RNF216: variants seen among roughly 807,000 people sequenced by gnomAD.
The protein encoded by RNF216 is E3 ubiquitin-protein ligase RNF216.
RNF216 carries 72 observed loss-of-function variants against 110.8 expected under a neutral mutation model. The ratio of observed to expected loss-of-function variants is 0.65; its 90% CI spans 0.54 to 0.79. The LOEUF (loss-of-function observed/expected upper bound fraction) is 0.79. Among genes scored for constraint, RNF216 ranks in the 30% least tolerant of loss-of-function variants. RNF216 has a pLI of 0.00. For synonymous variants in RNF216, 495 were observed against 407.5 expected (o/e 1.21, Z -2.59); for missense variants, 1,342 against 1,141.2 (o/e 1.18, Z -2.54).
chr7:5,690,283 C>T (rs561914878), intron 13 of RNF216, among the ~76,000 whole-genome samples: 5 of 150,098 alleles, frequency 3.3e-5, no homozygotes, highest in East Asian at 1.9e-4. Flanking sequence ...GCCAAGATCG[C>T]GCCATTGCAC....
rs771734800 is a variant in RNF216 at position 5,741,326 on chromosome 7, C to T, written c.691G>A (p.Asp231Asn). 6.2e-7 allele frequency: 1 copy of T among 1,614,064 alleles called. No homozygotes were observed. Among genetic ancestry groups the T allele is most frequent in the Non-Finnish European group, 8.5e-7 (1 of 1,179,936 alleles). Residue 231 changes from aspartate to asparagine, a missense_variant, in exon 4 of 17, where the codon GAT (aspartate) becomes AAT (asparagine). By Grantham distance (23) the Asp-to-Asn change is conservative. Coordinates refer to ENST00000389902, the MANE Select transcript of RNF216 (RefSeq NM_207111.4). ...TTCAGAGACTGGAAGTAAGGATGAT[C>T]TAACCAGCAGTCTTCTTCGATGGCC... ...DQAIEEDCWL[D>N]HPYFQSLNQQ...
At chr7:5,643,391 AAC>A (rs1787858430) in intron 14 of RNF216, among the ~76,000 whole-genome samples, 4 of 151,172 alleles carry the variant, frequency 2.6e-5, no homozygotes, top group South Asian at 4.2e-4. Flanking sequence ...CCAGGCAGGA[AAC>A]ACAGCCCCGC....
chr7:5,698,619 C>T (rs757805668), intron 13 of RNF216, among the ~76,000 whole-genome samples: 87 of 152,110 alleles, frequency 5.7e-4, no homozygotes, highest in African/African-American at 2.1e-3. Context: ...GTCTTGAACT[C>T]ATAACCTCAA....
At chr7:5,713,989 A>G (rs1792883498) in intron 11 of RNF216, among the ~76,000 whole-genome samples, 1 of 152,188 alleles carries the variant, frequency 6.6e-6, no homozygotes, top group Admixed American at 6.5e-5. Context: ...ACGCTCTTTG[A>G]AAAAACATAA....
chr7:5,722,074 C>A, intron 8 of RNF216, among the ~76,000 whole-genome samples: 1 of 152,052 alleles, frequency 6.6e-6, no homozygotes, highest in East Asian at 1.9e-4. Flanking sequence ...CAGGCAGATG[C>A]CACCACACCC....
At chr7:5,677,620 T>C (rs1031226716) in intron 13 of RNF216, among the ~76,000 whole-genome samples, 1 of 152,150 alleles carries the variant, frequency 6.6e-6, no homozygotes, top group African/African-American at 2.4e-5. Flanking sequence ...CATCCTCAGA[T>C]TGGAAAGAAC....
At chr7:5,655,513 G>A (rs911438957) in intron 13 of RNF216, among the ~76,000 whole-genome samples, 45 of 152,084 alleles carry the variant, frequency 3.0e-4, no homozygotes, top group African/African-American at 1.1e-3. Context: ...GGCTGAGGCA[G>A]GAGAATTGCT....
rs547939337 is a variant in RNF216 at position 5,656,023 on chromosome 7, C to G, written c.2062-3513G>C. 5.9e-5 allele frequency among the ~76,000 whole-genome samples: 9 copies of G among 152,172 alleles called. No individual in the cohort carries two copies. The South Asian group carries it at 1.0e-3, about 18-fold the overall frequency. On this transcript the variant is annotated intron_variant, in intron 13 of 16. Coordinates refer to ENST00000389902, the MANE Select transcript of RNF216 (RefSeq NM_207111.4). Reference sequence around the variant, plus strand: ...AGTGATCATGCCTGTAATCCCAGCACTTTGGAAGGCTGAGGGGAGCGGATT... The same window carrying G: ...AGTGATCATGCCTGTAATCCCAGCAGTTTGGAAGGCTGAGGGGAGCGGATT...
intron 13 of RNF216, among the ~76,000 whole-genome samples, chr7:5,695,039 T>A (rs1791541587): frequency 6.6e-6 from 1 of 152,140 alleles, no homozygotes; most frequent in African/African-American, 2.4e-5. Flanking sequence ...AATACACTAA[T>A]GGGCCAATGG....
intron 2 of RNF216, among the ~76,000 whole-genome samples, chr7:5,756,682 A>G (rs1202171739): frequency 6.6e-6 from 1 of 152,230 alleles, no homozygotes; most frequent in East Asian, 1.9e-4. Flanking sequence ...GTACAATAGC[A>G]TGAACACAAG....
At chr7:5,752,591 T>C (rs1242303435) in intron 3 of RNF216, among the ~76,000 whole-genome samples, 1 of 152,194 alleles carries the variant, frequency 6.6e-6, no homozygotes, top group African/African-American at 2.4e-5. Flanking sequence ...AGATACACTA[T>C]AATGTTGTAG....
chr7:5,687,650 G>C (rs1273924350), intron 13 of RNF216, among the ~76,000 whole-genome samples: 1 of 152,276 alleles, frequency 6.6e-6, no homozygotes, highest in East Asian at 1.9e-4. Flanking sequence ...TACAGAGGAG[G>C]AAACCAACAC....
In RNF216 at chr7:5,644,857, C is replaced by T. The variant is rs1787960677; in HGVS notation, c.2160-3481G>A. On this transcript the variant is annotated intron_variant, in intron 14 of 16. Coordinates refer to ENST00000389902, the MANE Select transcript of RNF216 (RefSeq NM_207111.4). Reference sequence around the variant, plus strand: ...TTTTTTTTTTTGAAACGGAGTCTTGCTCTGTTGCCCAGGCTGGAGTGCAGT... The same window carrying T: ...TTTTTTTTTTTGAAACGGAGTCTTGTTCTGTTGCCCAGGCTGGAGTGCAGT... Among the ~76,000 whole-genome samples, 8 of 141,816 alleles carry T rather than the reference C, an allele frequency of 5.6e-5. No homozygotes were observed. The South Asian group carries it at 1.8e-3, about 31-fold the overall frequency. 93.0% of individuals were successfully genotyped at this position (141,816 alleles called of 152,430 possible). A position where few individuals can be genotyped will look rare whatever the true frequency, so the allele number is the denominator to read the frequency against.
At chr7:5,754,119 GGTGTGTGTGTGTGTGTGTGTGTGT>G (rs10543449) in intron 2 of RNF216, among the ~76,000 whole-genome samples, 1 of 141,996 alleles carries the variant, frequency 7.0e-6, no homozygotes, top group Non-Finnish European at 1.5e-5. Flanking sequence ...TCTTTTGTGT[GGTGTGTGTGTGTGTGTGTGTGTGT>G]GTGTGTGTGT....
At chr7:5,760,288 G>A (rs983845350) in intron 2 of RNF216, 11 of 162,918 alleles carry the variant, frequency 6.8e-5, no homozygotes, top group Non-Finnish European at 1.2e-4. Flanking sequence ...AGGCTGAGGC[G>A]GGCGGATCAC....
chr7:5,640,007 C>T (rs1249841453), intron 15 of RNF216, among the ~76,000 whole-genome samples: 1 of 151,994 alleles, frequency 6.6e-6, no homozygotes, highest in African/African-American at 2.4e-5. Context: ...GATCCACCCG[C>T]CTCAGCCTCC....
intron 15 of RNF216, among the ~76,000 whole-genome samples, chr7:5,636,350 T>G (rs1787396154): frequency 6.6e-6 from 1 of 152,248 alleles, no homozygotes; most frequent in Non-Finnish European, 1.5e-5. Flanking sequence ...TTGAATGCTT[T>G]TGGCTTCATT....
At chr7:5,686,801 A>G (rs1023422125) in intron 13 of RNF216, among the ~76,000 whole-genome samples, 2 of 152,224 alleles carry the variant, frequency 1.3e-5, no homozygotes, top group African/African-American at 4.8e-5. Flanking sequence ...CAGGGCGTGG[A>G]GAGATGGCTT....
rs532580664 is a variant in RNF216, at chr7:5,743,031, G to C, written c.202-1216C>G. ...TAATCCCAGCATTCAGGGAGGCCAA[G>C]GCAGGCGGATCACGAGGTCAGGAGA... On this transcript the variant is annotated intron_variant, in intron 3 of 16. Transcript: ENST00000389902. Among the ~76,000 whole-genome samples the C allele has an allele frequency of 2.6e-4, 39 of 152,312 alleles. No homozygotes were observed. The East Asian group carries it at 6.6e-3, about 26-fold the overall frequency.
Sources: allele counts gnomAD v4.1 joint callset (sites outside exome capture counted in the v4.1 genomes callset), GRCh38; gene constraint gnomAD v4.1.1; transcripts MANE v1.5; gene names NCBI Gene and HGNC (gene_info 2026-07-23, HGNC 2026-07-21).